The following BABAM2 variants were observed in gnomAD, a reference collection of about 807,000 sequenced individuals.
BABAM2 encodes BRISC and BRCA1 A complex member 2.
BABAM2 carries 31 observed loss-of-function variants against 54.7 expected under a neutral mutation model. The observed-to-expected ratio is 0.57, with a 90% confidence interval of 0.43 to 0.77. BABAM2 has a LOEUF of 0.77. Among genes scored for constraint, BABAM2 ranks in the 30% least tolerant of loss-of-function variants. BABAM2 has a pLI of 0.00. For synonymous variants in BABAM2, 167 were observed against 162.9 expected (o/e 1.03, Z -0.19); for missense variants, 364 against 455.8 (o/e 0.80, Z 1.83).
chr2:28,326,865 G>A (rs760862906), intron 11 of BABAM2, among the ~76,000 whole-genome samples: 1 of 152,170 alleles, frequency 6.6e-6, no homozygotes, highest in Non-Finnish European at 1.5e-5. Flanking sequence ...CTAACCTCCC[G>A]CCCTTAGTCT....
chr2:27,895,523 T>C (rs1665222830), intron 2 of BABAM2, among the ~76,000 whole-genome samples: 1 of 152,252 alleles, frequency 6.6e-6, no homozygotes, highest in African/African-American at 2.4e-5. Context: ...ATGCATCAGA[T>C]CAGGGAATAT....
intron 6 of BABAM2, among the ~76,000 whole-genome samples, chr2:28,047,883 CA>C (rs1371381665): frequency 6.6e-6 from 1 of 152,206 alleles, no homozygotes; most frequent in Non-Finnish European, 1.5e-5. Context: ...AACCTACCAG[CA>C]CACCAGAAGC....
chr2:28,251,249 CTTTTTT>C (rs575365147), intron 10 of BABAM2, among the ~76,000 whole-genome samples: 1 of 145,858 alleles, frequency 6.9e-6, no homozygotes, highest in African/African-American at 2.5e-5. Context: ...TCTGGTAAGA[CTTTTTT>C]TTTTTAAGCC....
intron 2 of BABAM2, among the ~76,000 whole-genome samples, chr2:27,922,655 T>A (rs1667418891): frequency 6.6e-6 from 1 of 152,216 alleles, no homozygotes; most frequent in Non-Finnish European, 1.5e-5. Flanking sequence ...TTTTACAGCA[T>A]AGTTTTTATC....
chr2:28,136,160 C>T (rs1339178367), intron 7 of BABAM2, among the ~76,000 whole-genome samples: 1 of 152,188 alleles, frequency 6.6e-6, no homozygotes, highest in Non-Finnish European at 1.5e-5. Context: ...GCTCAGGCTG[C>T]TCCTTAGACC....
chr2:28,052,306 TAGAC>T (rs923287787), intron 6 of BABAM2, among the ~76,000 whole-genome samples: 27 of 145,680 alleles, frequency 1.9e-4, no homozygotes, highest in Admixed American at 3.5e-4. Flanking sequence ...TTTTTTCCAA[TAGAC>T]AGAGTCTTGC....
Position 27,998,759 on chromosome 2 carries a change from T to TA in BABAM2, c.300+10673dup, listed in dbSNP as rs1370792061. ...TAATAGTTGGTTATGGTTGATAACT[T>TA]ACTAAAAAAAGCTATTAATTCGTTA... On this transcript the variant is annotated intron_variant, in intron 4 of 11. Coordinates refer to ENST00000379624, the MANE Select transcript of BABAM2 (RefSeq NM_199191.3). Among the ~76,000 whole-genome samples, 5 of 152,336 alleles carry TA rather than the reference T, an allele frequency of 3.3e-5. No homozygotes were observed. In the East Asian group the frequency reaches 9.6e-4, roughly 29 times the overall value.
chr2:28,106,607 T>C (rs1667547813), intron 6 of BABAM2, among the ~76,000 whole-genome samples: 1 of 152,342 alleles, frequency 6.6e-6, no homozygotes, highest in African/African-American at 2.4e-5. Context: ...ACAGAGGTGA[T>C]GTTATATATT....
chr2:27,978,983 A>G (rs1178145803), intron 3 of BABAM2, among the ~76,000 whole-genome samples: 1 of 150,596 alleles, frequency 6.6e-6, no homozygotes, highest in Non-Finnish European at 1.5e-5. Context: ...ATTCTTTTTT[A>G]TGGCTGTGTA....
intron 7 of BABAM2, among the ~76,000 whole-genome samples, chr2:28,175,968 C>T (rs535035876): frequency 1.3e-5 from 2 of 152,340 alleles, no homozygotes; most frequent in Admixed American, 6.5e-5. Flanking sequence ...ACCACTGACA[C>T]TGTTTACGGC....
In BABAM2 at chr2:27,945,786, T is replaced by G. The variant is rs181861873; in HGVS notation, c.205+15878T>G. Among the ~76,000 whole-genome samples the G allele has an allele frequency of 2.3e-3, 353 of 152,122 alleles. 1 individual carries two copies. Among genetic ancestry groups the G allele is most frequent in the African/African-American group, 8.2e-3 (341 of 41,514 alleles). ...ATATATCATACTTTCTGATGCCAATTTATAGTAGTGTGGTTTTTTTTTTTT... is the reference window on the plus strand; with the variant it reads ...ATATATCATACTTTCTGATGCCAATGTATAGTAGTGTGGTTTTTTTTTTTT... On this transcript the variant is annotated intron_variant, in intron 3 of 11. Transcript: ENST00000379624.
At chr2:28,146,826 G>A (rs1327747256) in intron 7 of BABAM2, among the ~76,000 whole-genome samples, 1 of 152,114 alleles carries the variant, frequency 6.6e-6, no homozygotes, top group Non-Finnish European at 1.5e-5. Context: ...CCATTTCTAG[G>A]AATTTTAAGA....
At chr2:28,212,458 C>T (rs749948268) in intron 7 of BABAM2, among the ~76,000 whole-genome samples, 15 of 152,210 alleles carry the variant, frequency 9.9e-5, no homozygotes, top group South Asian at 2.1e-4. Flanking sequence ...CTTTTACCCT[C>T]TCCCTCATCA....
At chr2:28,038,328 T>C (rs971331149) in intron 5 of BABAM2, among the ~76,000 whole-genome samples, 6 of 152,214 alleles carry the variant, frequency 3.9e-5, no homozygotes, top group African/African-American at 1.4e-4. Context: ...TGGAATTTGC[T>C]CTCAGAGCAC....
intron 10 of BABAM2, 101 bp downstream of exon 10, chr2:28,244,963 C>A: frequency 1.1e-6 from 1 of 944,922 alleles, no homozygotes; most frequent in Non-Finnish European, 1.6e-6. Flanking sequence ...TGTCTCGGTT[C>A]CTTTTACTGT....
intron 6 of BABAM2, among the ~76,000 whole-genome samples, chr2:28,046,495 CAAAA>C (rs1431081461): frequency 2.0e-5 from 3 of 151,954 alleles, no homozygotes; most frequent in Non-Finnish European, 4.4e-5. Flanking sequence ...AACAAACAAA[CAAAA>C]AGATTTGGCT....
chr2:27,978,307 G>T (rs1671743516), intron 3 of BABAM2, among the ~76,000 whole-genome samples: 1 of 152,186 alleles, frequency 6.6e-6, no homozygotes, highest in Admixed American at 6.5e-5. Flanking sequence ...TGCCATGATT[G>T]TAAGCTTGCT....
At chr2:28,221,201 T>G (rs1680379518) in intron 7 of BABAM2, among the ~76,000 whole-genome samples, 1 of 152,096 alleles carries the variant, frequency 6.6e-6, no homozygotes, top group African/African-American at 2.4e-5. Context: ...CTCCCCTTTC[T>G]GCTTTTGTTT....
intron 10 of BABAM2, among the ~76,000 whole-genome samples, chr2:28,290,295 C>T (rs372751621): frequency 6.6e-6 from 1 of 152,046 alleles, no homozygotes; most frequent in Admixed American, 6.5e-5. Flanking sequence ...TTTAGGCCTT[C>T]TCCTGCGATC....
Sources: allele counts gnomAD v4.1 joint callset (sites outside exome capture counted in the v4.1 genomes callset), GRCh38; gene constraint gnomAD v4.1.1; transcripts MANE v1.5; gene names NCBI Gene and HGNC (gene_info 2026-07-23, HGNC 2026-07-21).